The following ETV6 variants were observed in gnomAD, a reference collection of about 807,000 sequenced individuals.
ETV6 encodes the protein transcription factor ETV6.
A neutral mutation model predicts 51.1 loss-of-function variants in ETV6; 16 were observed. That is an observed-to-expected ratio of 0.31 (90% CI 0.21 to 0.48). The LOEUF is 0.48. Ranked by LOEUF, ETV6 falls within the 20% of genes least tolerant of loss-of-function variation. The probability of loss-of-function intolerance (pLI) is 0.99; values close to 1 mark genes in which losing one functional copy is unlikely to be tolerated. For synonymous variants in ETV6, 240 were observed against 224.1 expected, an observed-to-expected ratio of 1.07 and a Z score of -0.64; for missense variants, 458 against 594.8, an observed-to-expected ratio of 0.77 and a Z score of 2.39.
chr12:11,694,584 G>A (rs1394483980), intron 1 of ETV6, among the ~76,000 whole-genome samples: 3 of 152,134 alleles, frequency 2.0e-5, no homozygotes, highest in South Asian at 2.1e-4. Flanking sequence ...CATGGCTCTC[G>A]CTTTCAAAAC....
intron 1 of ETV6, among the ~76,000 whole-genome samples, chr12:11,718,308 G>A (rs551188074): frequency 6.6e-6 from 1 of 152,238 alleles, no homozygotes; most frequent in Non-Finnish European, 1.5e-5. Flanking sequence ...ATTTCTTTTG[G>A]CACAGCTTCC....
At chr12:11,872,368 A>G (rs943629315) in intron 5 of ETV6, among the ~76,000 whole-genome samples, 15 of 152,170 alleles carry the variant, frequency 9.9e-5, no homozygotes, top group Non-Finnish European at 7.4e-5. Context: ...TGCCTTCACC[A>G]CTTCTTGGGA....
rs915087780 is a variant in ETV6, at chr12:11,894,819, C to A, written c.*3773C>A. On this transcript the variant is annotated 3_prime_UTR_variant, in exon 8 of 8. Transcript: ENST00000396373. ...CCAAGAATGGAATTAGGCTCAGGAT[C>A]CAGCCTGGGCTCACCCTGTGTGGCT... The A allele has an allele frequency of 5.1e-5, 12 of 233,372 alleles. No homozygotes were observed. Among genetic ancestry groups the A allele is most frequent in the Non-Finnish European group, 8.5e-6 (1 of 117,998 alleles). 14.5% of individuals were successfully genotyped at this position (233,372 alleles called of 1,614,324 possible).
rs182963229 is a variant in ETV6, at chr12:11,752,379, G to T, written c.34-71G>T. ...CCCTTTTGCTCCCCACCCCGAGATG[G>T]TCTCATACCTCCATTCCAAGCTTTC... On this transcript the variant is annotated intron_variant, in intron 1 of 7. Transcript: ENST00000396373. The T allele has an allele frequency of 8.8e-5, 136 of 1,542,838 alleles. No homozygotes were observed. The African/African-American group carries it at 1.8e-3, about 20-fold the overall frequency.
At chr12:11,863,190 G>T (rs148978580) in intron 4 of ETV6, among the ~76,000 whole-genome samples, 3 of 152,224 alleles carry the variant, frequency 2.0e-5, no homozygotes, top group Non-Finnish European at 2.9e-5. Context: ...TGTTTGTTTA[G>T]GTTTACTGGT....
chr12:11,725,309 G>C (rs1391992672), intron 1 of ETV6, among the ~76,000 whole-genome samples: 1 of 152,106 alleles, frequency 6.6e-6, no homozygotes, highest in Non-Finnish European at 1.5e-5. Context: ...CAAAATGAGA[G>C]AAAAGACACT....
intron 1 of ETV6, among the ~76,000 whole-genome samples, chr12:11,730,925 G>A (rs893779723): frequency 1.2e-4 from 19 of 152,174 alleles, no homozygotes; most frequent in East Asian, 5.8e-4. Context: ...GTTTCTGTGA[G>A]TAGAGGCCCA....
At chr12:11,788,623 A>G (rs892036469) in intron 2 of ETV6, among the ~76,000 whole-genome samples, 1 of 152,156 alleles carries the variant, frequency 6.6e-6, no homozygotes, top group Non-Finnish European at 1.5e-5. Context: ...AACACCTTCA[A>G]TGTCCCCACT....
chr12:11,871,214 T>TTC (rs1946876341), intron 5 of ETV6, among the ~76,000 whole-genome samples: 1 of 151,306 alleles, frequency 6.6e-6, no homozygotes, highest in Non-Finnish European at 1.5e-5. Context: ...TTTTTTTTTT[T>TTC]TCCACACTCT....
chr12:11,677,442 T>C (rs1864442155), intron 1 of ETV6, among the ~76,000 whole-genome samples: 1 of 152,252 alleles, frequency 6.6e-6, no homozygotes, highest in Admixed American at 6.5e-5. Flanking sequence ...ACTCTGTCTT[T>C]GGCCTGAAAT....
intron 2 of ETV6, among the ~76,000 whole-genome samples, chr12:11,794,824 T>C (rs1308107797): frequency 6.6e-6 from 1 of 152,254 alleles, no homozygotes; most frequent in Non-Finnish European, 1.5e-5. Context: ...AGATTTGCCA[T>C]TGAGGCATAC....
intron 2 of ETV6, among the ~76,000 whole-genome samples, chr12:11,834,851 T>C (rs1946292175): frequency 6.6e-6 from 1 of 152,162 alleles, no homozygotes; most frequent in East Asian, 1.9e-4. Flanking sequence ...CTGAAGGGAA[T>C]AGAGATCACA....
intron 5 of ETV6, among the ~76,000 whole-genome samples, chr12:11,876,721 A>G (rs1174074439): frequency 6.6e-6 from 1 of 152,190 alleles, no homozygotes; most frequent in Non-Finnish European, 1.5e-5. Context: ...AATAGAGAAT[A>G]TCTCCTTTCT....
intron 3 of ETV6, among the ~76,000 whole-genome samples, chr12:11,847,149 G>A (rs775540275): frequency 6.6e-5 from 10 of 152,156 alleles, no homozygotes; most frequent in Non-Finnish European, 1.3e-4. Context: ...TCCAGAAACA[G>A]ATAAAAGGCA....
At chr12:11,763,898 AG>A (rs748164805) in intron 2 of ETV6, among the ~76,000 whole-genome samples, 2 of 152,236 alleles carry the variant, frequency 1.3e-5, no homozygotes, top group African/African-American at 4.8e-5. Flanking sequence ...CTTTGGACCC[AG>A]GACAGAGGGC....
intron 4 of ETV6, among the ~76,000 whole-genome samples, chr12:11,859,321 T>C (rs556684165): frequency 6.6e-6 from 1 of 151,770 alleles, no homozygotes; most frequent in South Asian, 2.1e-4. Flanking sequence ...TTTTGTATTT[T>C]TAGTAGAGAC....
intron 3 of ETV6, among the ~76,000 whole-genome samples, chr12:11,848,853 G>A (rs1249290142): frequency 6.6e-6 from 1 of 152,190 alleles, no homozygotes; most frequent in Non-Finnish European, 1.5e-5. Flanking sequence ...ATGGTTCTTT[G>A]ACCAGTAGGG....
At position 11,669,907 on chromosome 12, in the gene ETV6, C is replaced by T. The variant is rs139102146; in HGVS notation, c.33+19747C>T. On this transcript the variant is annotated intron_variant, in intron 1 of 7. Coordinates refer to ENST00000396373, the MANE Select transcript of ETV6 (RefSeq NM_001987.5). Reference sequence around the variant, plus strand: ...ATCTTCACAAGCAGGTGTGCCTCATCCCCTGACCTGCAGGCCCTTCTTCCC... The same window carrying T: ...ATCTTCACAAGCAGGTGTGCCTCATTCCCTGACCTGCAGGCCCTTCTTCCC... Among the ~76,000 whole-genome samples the T allele has an allele frequency of 5.4e-3, 821 of 152,282 alleles. 15 individuals are homozygous for T. In the East Asian group the frequency reaches 0.062, roughly 12 times the overall value.
intron 2 of ETV6, among the ~76,000 whole-genome samples, chr12:11,791,872 G>C: frequency 6.6e-6 from 1 of 151,992 alleles, no homozygotes. Flanking sequence ...TAAAAAAAAA[G>C]ATTTCATTTC....
Sources: allele counts gnomAD v4.1 joint callset (sites outside exome capture counted in the v4.1 genomes callset), GRCh38; gene constraint gnomAD v4.1.1; transcripts MANE v1.5; gene names NCBI Gene and HGNC (gene_info 2026-07-23, HGNC 2026-07-21).